The following PCDHA1 variants were observed in gnomAD, a reference collection of about 807,000 sequenced individuals.
PCDHA1 encodes protocadherin alpha-1.
A neutral mutation model predicts 61.3 loss-of-function variants in PCDHA1; 42 were observed. The ratio of observed to expected loss-of-function variants is 0.69; its 90% confidence interval spans 0.54 to 0.89. The LOEUF (loss-of-function observed/expected upper bound fraction) is 0.89. Among genes scored for constraint, PCDHA1 ranks in the 40% least tolerant of loss-of-function variants. The probability of loss-of-function intolerance (pLI) is 0.00; values close to 1 mark genes in which losing one functional copy is unlikely to be tolerated. For missense variants in PCDHA1, 1,256 were observed against 1,235.3 expected (o/e 1.02, Z -0.25); for synonymous variants, 610 against 553.8 (o/e 1.10, Z -1.43).
Position 140,852,971 on chromosome 5 carries a change from C to T in PCDHA1, c.2394+64287C>T, listed in dbSNP as rs563659563. Reference sequence around the variant, plus strand: ...TTGGCTCACTCCAAGCTCCCCCTCCCGTGTTCACGCCATTCTCCTGCCTCA... The same window carrying T: ...TTGGCTCACTCCAAGCTCCCCCTCCTGTGTTCACGCCATTCTCCTGCCTCA... On this transcript the variant is annotated intron_variant, in intron 1 of 3. Coordinates refer to ENST00000504120, the MANE Select transcript of PCDHA1 (RefSeq NM_018900.4). 23 of 376,480 alleles carry T rather than the reference C, an allele frequency of 6.1e-5. 1 individual carries two copies. The highest frequency in any genetic ancestry group is 5.5e-4 in the South Asian group (5 of 9,156). 23.3% of individuals were successfully genotyped at this position (376,480 alleles called of 1,614,324 possible).
intron 1 of PCDHA1, among the ~76,000 whole-genome samples, chr5:140,921,987 G>T (rs1414139435): frequency 6.6e-6 from 1 of 151,868 alleles, no homozygotes; most frequent in Non-Finnish European, 1.5e-5. Context: ...AACTAAAAAA[G>T]AGTTCAATGA....
rs145740989 is a variant in PCDHA1 at position 140,824,111 on chromosome 5, C to G, written c.2394+35427C>G. ...TTCAGTCCAAGCCTTCCTCAGGGTC[C>G]CACCTCTACAGACAACGTGAGTTTT... On this transcript the variant is annotated intron_variant, in intron 1 of 3. Transcript: ENST00000504120. The G allele has an allele frequency of 3.8e-5, 62 of 1,613,992 alleles. 1 individual carries two copies. In the South Asian group the frequency reaches 6.6e-4, roughly 17 times the overall value.
intron 1 of PCDHA1, among the ~76,000 whole-genome samples, chr5:140,821,232 A>G (rs182232562): frequency 1.5e-3 from 226 of 152,316 alleles, no homozygotes; most frequent in African/African-American, 5.1e-3. Context: ...TAGAGATGAG[A>G]AAAGTCAAAA....
At chr5:140,836,542 C>T (rs2150263545) in intron 1 of PCDHA1, 1 of 1,613,772 alleles carries the variant, frequency 6.2e-7, no homozygotes, top group Non-Finnish European at 8.5e-7. Context: ...CTGTACACGG[C>T]GTTGCGGTGC....
At chr5:140,849,962 G>A in intron 1 of PCDHA1, 1 of 1,597,888 alleles carries the variant, frequency 6.3e-7, no homozygotes, top group Admixed American at 1.7e-5. Context: ...AGAACGCCCT[G>A]GTGTCCTACT....
intron 1 of PCDHA1, among the ~76,000 whole-genome samples, chr5:140,839,815 A>G (rs1776430186): frequency 6.6e-6 from 1 of 152,044 alleles, no homozygotes; most frequent in Admixed American, 6.6e-5. Context: ...ATTGCCTACT[A>G]TGAAGGCATT....
intron 1 of PCDHA1, among the ~76,000 whole-genome samples, chr5:140,840,696 C>T (rs2150308917): frequency 6.6e-6 from 1 of 152,100 alleles, no homozygotes; most frequent in Admixed American, 6.5e-5. Flanking sequence ...TAAAACGGTT[C>T]AGGCAATTTG....
At chr5:140,935,291 C>T (rs1221872941) in intron 1 of PCDHA1, among the ~76,000 whole-genome samples, 4 of 152,100 alleles carry the variant, frequency 2.6e-5, no homozygotes, top group East Asian at 1.9e-4. Context: ...TTCAGCACTC[C>T]GAGGTTTTTA....
chr5:140,795,182 A>G (rs1554119295), intron 1 of PCDHA1: 2 of 1,613,862 alleles, frequency 1.2e-6, no homozygotes, highest in African/African-American at 2.7e-5. Flanking sequence ...AGACACGGGG[A>G]CCTTCTGGAG....
At chr5:140,875,958 C>A in intron 1 of PCDHA1, 1 of 1,614,080 alleles carries the variant, frequency 6.2e-7, no homozygotes, top group Middle Eastern at 1.6e-4. Context: ...ATGCGGATAT[C>A]GGCGTAAACT....
chr5:140,876,925 C>G (rs1554169109), intron 1 of PCDHA1: 1 of 1,613,838 alleles, frequency 6.2e-7, no homozygotes, highest in South Asian at 1.1e-5. Flanking sequence ...CGCGGACGCG[C>G]AGAAGAACGC....
At chr5:140,894,068 A>G (rs2064306594) in intron 1 of PCDHA1, among the ~76,000 whole-genome samples, 1 of 152,160 alleles carries the variant, frequency 6.6e-6, no homozygotes, top group Non-Finnish European at 1.5e-5. Context: ...TTTTAAATAC[A>G]TTTATTTTAT....
intron 1 of PCDHA1, chr5:140,966,401 C>G (rs1218132824): frequency 2.5e-6 from 1 of 404,878 alleles, no homozygotes; most frequent in African/African-American, 2.1e-5. Flanking sequence ...CACTTCGGCG[C>G]GGAATCAGAG....
chr5:140,800,410 A>G (rs1043669654), intron 1 of PCDHA1, among the ~76,000 whole-genome samples: 3 of 152,218 alleles, frequency 2.0e-5, no homozygotes, highest in Admixed American at 1.3e-4. Flanking sequence ...ATAAATGTAC[A>G]TATTTTAAGA....
intron 1 of PCDHA1, among the ~76,000 whole-genome samples, chr5:140,894,946 A>G (rs1463727802): frequency 6.6e-6 from 1 of 152,206 alleles, no homozygotes; most frequent in African/African-American, 2.4e-5. Flanking sequence ...ATTGTCATGA[A>G]ATGATAAAAA....
chr5:140,868,968 C>G (rs782210353), intron 1 of PCDHA1: 16 of 1,446,356 alleles, frequency 1.1e-5, no homozygotes, highest in Middle Eastern at 2.0e-4. Flanking sequence ...TACAAAGGAA[C>G]TCCATCATAC....
intron 1 of PCDHA1, chr5:140,797,214 C>T: frequency 6.2e-7 from 1 of 1,614,216 alleles, no homozygotes; most frequent in East Asian, 2.2e-5. Context: ...GCTGGTCTTA[C>T]TCGCAGCAGA....
At chr5:140,803,496 A>G in intron 1 of PCDHA1, 2 of 1,614,224 alleles carry the variant, frequency 1.2e-6, no homozygotes, top group Non-Finnish European at 1.7e-6. Context: ...GTTGCCCAAG[A>G]CCGACCTCAT....
chr5:140,964,600 A>G (rs1322521285), intron 1 of PCDHA1, among the ~76,000 whole-genome samples: 1 of 152,104 alleles, frequency 6.6e-6, no homozygotes, highest in Non-Finnish European at 1.5e-5. Flanking sequence ...TTTCATGACA[A>G]CTTACAACTT....
Sources: gnomAD v4.1 joint callset for allele counts (sites outside exome capture counted in the v4.1 genomes callset) on GRCh38, gnomAD v4.1.1 for gene constraint, MANE v1.5 for transcripts, NCBI Gene and HGNC (gene_info 2026-07-23, HGNC 2026-07-21) for gene names.